The following CACNA1S variants were observed in gnomAD, a reference collection of about 807,000 sequenced individuals.
CACNA1S encodes the protein voltage-dependent L-type calcium channel subunit alpha-1S.
Under a neutral mutation model 207.4 loss-of-function variants are expected in CACNA1S, and 126 were observed. That is an observed-to-expected ratio of 0.61 (90% CI 0.53 to 0.70). The LOEUF is 0.70. Ranked by LOEUF, CACNA1S falls within the 30% of genes least tolerant of loss-of-function variation. CACNA1S has a pLI of 0.00. For missense variants in CACNA1S, 2,349 were observed against 2,422.8 expected (o/e 0.97, Z 0.64); for synonymous variants, 960 against 932.7 (o/e 1.03, Z -0.53).
intron 39 of CACNA1S, among the ~76,000 whole-genome samples, chr1:201,043,879 C>T (rs1030615852): frequency 6.6e-6 from 1 of 152,042 alleles, no homozygotes; most frequent in African/African-American, 2.4e-5. Flanking sequence ...GGACATCTCA[C>T]ATGATCTCTG....
chr1:201,078,245 G>C (rs755105838), intron 10 of CACNA1S, 141 bp from the exon 11 acceptor site: 109 of 734,676 alleles, frequency 1.5e-4, no homozygotes, highest in Non-Finnish European at 3.2e-5. Context: ...GGGTGCAGGG[G>C]GCAGGGCCTC....
intron 29 of CACNA1S, 102 bp downstream of exon 29, chr1:201,054,403 G>A (rs1660761240): frequency 1.6e-6 from 2 of 1,236,852 alleles, no homozygotes; most frequent in Admixed American, 1.7e-5. Flanking sequence ...AGCCCTGAGT[G>A]CTGATCCACC....
intron 14 of CACNA1S, 140 bp from the exon 15 acceptor site, chr1:201,073,782 A>G (rs1661503541): frequency 2.5e-6 from 2 of 790,696 alleles, no homozygotes; most frequent in Admixed American, 3.4e-5. Flanking sequence ...CCAAATGGGA[A>G]GGGCAGTGGG....
intron 40 of CACNA1S, 54 bp from the exon 41 acceptor site, chr1:201,041,643 A>G: frequency 7.6e-7 from 1 of 1,324,482 alleles, no homozygotes; most frequent in Non-Finnish European, 1.1e-6. Context: ...CTCTCTCGGC[A>G]TCCCTGCCTC....
chr1:201,070,493 T>G, intron 16 of CACNA1S, 89 bp from the exon 17 acceptor site: 7 of 1,575,524 alleles, frequency 4.4e-6, no homozygotes, highest in Non-Finnish European at 6.1e-6. Context: ...TAGGAGCCCC[T>G]GCAGCCAGTA....
chr1:201,068,363 C>G (rs1661324864), intron 19 of CACNA1S, among the ~76,000 whole-genome samples: 1 of 149,084 alleles, frequency 6.7e-6, no homozygotes, highest in Non-Finnish European at 1.5e-5. Context: ...CTGCCTCAGC[C>G]TCCTGAGTAG....
chr1:201,085,626 AGT>A, intron 7 of CACNA1S, 45 bp from the exon 8 acceptor site: 2 of 1,609,324 alleles, frequency 1.2e-6, no homozygotes, highest in Non-Finnish European at 1.7e-6. Context: ...AAGAGGGAAC[AGT>A]GTCAAGGAAA....
chr1:201,049,243 C>G, intron 34 of CACNA1S, 144 bp from the exon 35 acceptor site: 1 of 644,332 alleles, frequency 1.6e-6, no homozygotes, highest in Non-Finnish European at 2.8e-6. Context: ...GAAGTGGGAG[C>G]CCAGCTCCCT....
chr1:201,062,651 T>G, intron 22 of CACNA1S, 137 bp from the exon 23 acceptor site: 1 of 772,212 alleles, frequency 1.3e-6, no homozygotes, highest in Non-Finnish European at 2.2e-6. Context: ...GCCCATCTCT[T>G]CCTCTCAGAG....
intron 38 of CACNA1S, among the ~76,000 whole-genome samples, chr1:201,044,697 G>A (rs1259726303): frequency 6.6e-6 from 1 of 152,182 alleles, no homozygotes; most frequent in East Asian, 1.9e-4. Context: ...TTTTAGTAGA[G>A]ATGGGGTTTC....
Position 201,047,166 on chromosome 1 carries a change from G to A in CACNA1S, c.4617C>T (p.Arg1539=), listed in dbSNP as rs1572023003. The change falls in exon 38 of 44, where the codon CGC becomes CGT. Residue 1539 remains arginine (R), a synonymous_variant. Transcript: ENST00000362061. The stretch of plus-strand genomic sequence containing the variant: ...GCCGATAGCCATAATACTCCTCTTG[G>A]CGTTTCATGAACTTCCGGAAGTGCT... The part of the protein sequence containing the change: ...IQEHFRKFMK[R]QEEYYGYRPK... The A allele has an allele frequency of 1.1e-5, 17 of 1,614,124 alleles. No homozygotes were observed. The highest frequency in any genetic ancestry group is 1.4e-5 in the Non-Finnish European group (16 of 1,180,014).
chr1:201,053,641 AG>A lies in CACNA1S; in HGVS notation c.3667-55del. On this transcript the variant is annotated intron_variant, in intron 29 of 43. Transcript: ENST00000362061. This position sits in a 1 kb window ranked among gnomAD's most constrained non-coding sequence, Gnocchi z 5.1. ...CTGGGGGCAGAACCTCAGAGGGGTA[AG>A]GGGCAGGGCGGGGAGGGAGGTGCAC... 1.2e-6 allele frequency: 1 copy of A among 847,958 alleles called. No homozygotes were observed. Among genetic ancestry groups the A allele is most frequent in the Non-Finnish European group, 1.8e-6 (1 of 546,188 alleles). The allele number at this position is 847,958 out of a possible 1,614,324, so 52.5% of individuals were successfully genotyped here. A position where few individuals can be genotyped will look rare whatever the true frequency, so the allele number is the denominator to read the frequency against.
rs548573030 is a variant in CACNA1S at position 201,051,763 on chromosome 1, G to T, written c.3954-620C>A. 6.6e-5 allele frequency among the ~76,000 whole-genome samples: 10 copies of T among 152,268 alleles called. No individual in the cohort carries two copies. In the East Asian group the frequency reaches 1.7e-3, roughly 26 times the overall value. ...AGACTACATAACTTCCCACTCCTTT[G>T]TGTCTAATAACTGTCTCATTTCAGC... On this transcript the variant is annotated intron_variant, in intron 32 of 43. Coordinates refer to ENST00000362061, the MANE Select transcript of CACNA1S (RefSeq NM_000069.3).
intron 38 of CACNA1S, among the ~76,000 whole-genome samples, 185 bp downstream of exon 38, chr1:201,046,930 T>C (rs1660489464): frequency 6.6e-6 from 1 of 152,240 alleles, no homozygotes; most frequent in African/African-American, 2.4e-5. Flanking sequence ...GGTTCTTTTT[T>C]TGAGGTTGAA....
intron 17 of CACNA1S, 131 bp downstream of exon 17, chr1:201,070,141 A>C: frequency 9.9e-7 from 1 of 1,014,440 alleles, no homozygotes; most frequent in East Asian, 2.4e-5. Flanking sequence ...AGGGCACAAG[A>C]TCTTAAGCTA....
At chr1:201,072,675 GC>G (rs1661466587) in intron 16 of CACNA1S, 79 bp downstream of exon 16, 10 of 999,044 alleles carry the variant, frequency 1.0e-5, no homozygotes, top group Middle Eastern at 2.1e-4. Context: ...ACAAGAGACT[GC>G]CCATGGGGAG....
chr1:201,070,343 C>T lies in CACNA1S; in HGVS notation c.2289G>A (p.Glu763=), dbSNP rs1427158400. ...GCACGGCCTTCTCTTTCAGCTGCAG[C>T]TCAGCCAGGGGACGTGGTCGGGGGC... ...PLSPRPRPLA[E]LQLKEKAVPI... is the part of the protein sequence containing the mutation. The change falls in exon 17 of 44, where the codon GAG becomes GAA. Residue 763 remains glutamate (E), a synonymous_variant. Transcript: ENST00000362061. 2.4e-5 allele frequency: 38 copies of T among 1,614,000 alleles called. No individual in the cohort carries two copies. Among genetic ancestry groups the T allele is most frequent in the Middle Eastern group, 1.6e-4 (1 of 6,080 alleles).
intron 2 of CACNA1S, among the ~76,000 whole-genome samples, chr1:201,101,171 T>C (rs1483439240): frequency 6.6e-6 from 1 of 152,232 alleles, no homozygotes; most frequent in African/African-American, 2.4e-5. Flanking sequence ...AAATGGGCTA[T>C]AATAAGTTCT....
Position 201,053,198 on chromosome 1 carries a change from C to CT in CACNA1S, c.3861+10dup. ...GATCCATGCTTTGGCCTGGGCCCGC[C>CT]TGCCTCTCACCTGCATGCCGATGAC... On this transcript the variant is annotated intron_variant, in intron 31 of 43. Transcript: ENST00000362061. This position sits in a 1 kb window ranked among gnomAD's most constrained non-coding sequence, Gnocchi z 5.1. 6.2e-7 allele frequency: 1 copy of CT among 1,614,220 alleles called. No homozygotes were observed. The highest frequency in any genetic ancestry group is 8.5e-7 in the Non-Finnish European group (1 of 1,180,040).
Sources: allele counts gnomAD v4.1 joint callset (sites outside exome capture counted in the v4.1 genomes callset), GRCh38; gene constraint gnomAD v4.1.1; non-coding constraint Gnocchi (gnomAD v3.1); transcripts MANE v1.5; gene names NCBI Gene and HGNC (gene_info 2026-07-23, HGNC 2026-07-21).